Variants in ACTR6 observed in about 807,000 individuals in gnomAD.
ACTR6 encodes actin-related protein 6.
In ACTR6, 50 loss-of-function variants were observed where a neutral mutation model predicts 52.5. The ratio of observed to expected loss-of-function variants is 0.95; its 90% CI spans 0.76 to 1.20. The LOEUF (loss-of-function observed/expected upper bound fraction) is 1.20. ACTR6 is among the 50% of genes most tolerant of loss of function. The pLI is 0.00. For synonymous variants in ACTR6, 135 were observed against 147.2 expected (o/e 0.92, Z 0.60); for missense variants, 344 against 472.4 (o/e 0.73, Z 2.52).
intron 4 of ACTR6, chr12:100,208,789 C>T (rs1486968515): frequency 2.2e-6 from 1 of 455,356 alleles, no homozygotes; most frequent in South Asian, 1.5e-5. Context: ...CTCTGTTGCC[C>T]AGGCTAGAGT....
intron 9 of ACTR6, among the ~76,000 whole-genome samples, chr12:100,219,438 A>G (rs2096126390): frequency 1.3e-5 from 2 of 152,174 alleles, no homozygotes; most frequent in South Asian, 2.1e-4. Flanking sequence ...AACATTTGCT[A>G]TCATGTAACT....
At chr12:100,216,426 A>T (rs995830172) in intron 8 of ACTR6, among the ~76,000 whole-genome samples, 1 of 152,244 alleles carries the variant, frequency 6.6e-6, no homozygotes, top group African/African-American at 2.4e-5. Context: ...TTGGCCTCCA[A>T]AGTGCTGGGT....
rs562885777 is a variant in ACTR6 at position 100,202,825 on chromosome 12, C to T, written c.68+1906C>T. On this transcript the variant is annotated intron_variant, in intron 1 of 10. Coordinates refer to ENST00000188312, the MANE Select transcript of ACTR6 (RefSeq NM_022496.5). ...TGAGCCGAGATCACGCCACTGCACT[C>T]CAGCCTGGGGCGACAAAGCGAGACT... Among the ~76,000 whole-genome samples, 7 of 151,222 alleles carry T rather than the reference C, an allele frequency of 4.6e-5. No homozygotes were observed. In the South Asian group the frequency reaches 6.3e-4, roughly 14 times the overall value.
chr12:100,207,984 AC>A (rs1197420723), intron 4 of ACTR6, 198 bp downstream of exon 4: 3 of 448,942 alleles, frequency 6.7e-6, no homozygotes, highest in African/African-American at 6.1e-5. Flanking sequence ...GCATGGTGAA[AC>A]CCTGTCTCTA....
chr12:100,201,018 C>T, intron 1 of ACTR6, 99 bp downstream of exon 1: 1 of 1,593,736 alleles, frequency 6.3e-7, no homozygotes, highest in Non-Finnish European at 8.5e-7. Context: ...GACACCCCCG[C>T]GCGGCCCTGA....
intron 4 of ACTR6, chr12:100,208,694 A>C (rs2096117190): frequency 2.2e-6 from 1 of 455,810 alleles, no homozygotes; most frequent in African/African-American, 2.0e-5. Context: ...TTTCTGAAAG[A>C]TTCTGAGGTA....
At chr12:100,213,860 T>C (rs1359716877) in intron 8 of ACTR6, among the ~76,000 whole-genome samples, 1 of 152,170 alleles carries the variant, frequency 6.6e-6, no homozygotes, top group Non-Finnish European at 1.5e-5. Flanking sequence ...TGTTGGGAAG[T>C]TAAAAATCTT....
In ACTR6 at chr12:100,224,005, TAAG is replaced by T; in HGVS notation, c.*93_*95del. 1 of 1,405,566 alleles carries T rather than the reference TAAG, an allele frequency of 7.1e-7. No homozygotes were observed. Among genetic ancestry groups the T allele is most frequent in the Non-Finnish European group, 9.5e-7 (1 of 1,053,062 alleles). The allele number at this position is 1,405,566 out of a possible 1,614,324, so 87.1% of individuals were successfully genotyped here. On this transcript the variant is annotated 3_prime_UTR_variant, in exon 11 of 11. Transcript: ENST00000188312. ...TAAGGAACTGTGTTACCTTTTGTCC[TAAG>T]AAAAAGGCTTGAATTTATGTAAATA...
chr12:100,201,045 C>G (rs2096109259), intron 1 of ACTR6, 126 bp downstream of exon 1: 1 of 1,553,492 alleles, frequency 6.4e-7, no homozygotes, highest in Non-Finnish European at 8.7e-7. Context: ...CAGAGGGATT[C>G]CCTGGTTGGA....
intron 8 of ACTR6, among the ~76,000 whole-genome samples, chr12:100,216,705 G>T (rs759401859): frequency 2.4e-4 from 37 of 152,320 alleles, no homozygotes; most frequent in South Asian, 8.3e-4. Context: ...ACTCAAGTCA[G>T]TGAATGGCTG....
rs1376472657 is a variant in ACTR6, at chr12:100,218,785, C to T, written c.922+199C>T. On this transcript the variant is annotated intron_variant, in intron 9 of 10. Coordinates refer to ENST00000188312, the MANE Select transcript of ACTR6 (RefSeq NM_022496.5). This position sits in a 1 kb window ranked among gnomAD's most constrained non-coding sequence, Gnocchi z 4.2. Reference sequence around the variant, plus strand: ...AAGTTTTTTTTTGTGATTATAAATTCGATAGAGGAAAAATCATTATGGTCC... The same window carrying T: ...AAGTTTTTTTTTGTGATTATAAATTTGATAGAGGAAAAATCATTATGGTCC... Among the ~76,000 whole-genome samples, 4 of 150,898 alleles carry T rather than the reference C, an allele frequency of 2.7e-5. No homozygotes were observed. Among genetic ancestry groups the T allele is most frequent in the South Asian group, 2.1e-4 (1 of 4,810 alleles).
At chr12:100,208,025 G>T in intron 4 of ACTR6, 1 of 347,104 alleles carries the variant, frequency 2.9e-6, no homozygotes, top group South Asian at 2.6e-5. Context: ...GTTGGGCATG[G>T]TGACACGCAC....
chr12:100,221,956 T>C (rs886648179), intron 10 of ACTR6, among the ~76,000 whole-genome samples: 3 of 149,372 alleles, frequency 2.0e-5, no homozygotes, highest in Admixed American at 6.7e-5. Context: ...TTTTTTTCAA[T>C]TTTTTTTTTA....
chr12:100,206,637 CTTGTT>C (rs1259153842), intron 3 of ACTR6, among the ~76,000 whole-genome samples: 1 of 151,158 alleles, frequency 6.6e-6, no homozygotes, highest in Non-Finnish European at 1.5e-5. Flanking sequence ...CCCATCTTCT[CTTGTT>C]TTGTCTTTGT....
At chr12:100,207,929 G>A (rs997026152) in intron 4 of ACTR6, 143 bp downstream of exon 4, 3 of 804,148 alleles carry the variant, frequency 3.7e-6, no homozygotes, top group Admixed American at 4.2e-5. Flanking sequence ...GGGAGGCTGA[G>A]GCGAGTAGAT....
chr12:100,205,107 A>G (rs2096113395), intron 2 of ACTR6, 50 bp downstream of exon 2: 1 of 1,207,810 alleles, frequency 8.3e-7, no homozygotes, highest in Non-Finnish European at 1.2e-6. Context: ...CCTAAATTTA[A>G]AGATAATTTT....
chr12:100,207,599 A>C, intron 3 of ACTR6, 64 bp from the exon 4 acceptor site: 2 of 1,315,332 alleles, frequency 1.5e-6, no homozygotes, highest in East Asian at 5.0e-5. Context: ...TTGTTTGTAC[A>C]TGTAAAACAA....
intron 8 of ACTR6, among the ~76,000 whole-genome samples, chr12:100,214,496 T>C (rs1254834912): frequency 6.6e-6 from 1 of 151,568 alleles, no homozygotes; most frequent in Non-Finnish European, 1.5e-5. Flanking sequence ...TCCCAGCATT[T>C]TGGGAGGCTG....
chr12:100,219,500 T>C (rs992217158), intron 9 of ACTR6, among the ~76,000 whole-genome samples: 2 of 152,160 alleles, frequency 1.3e-5, no homozygotes, highest in African/African-American at 4.8e-5. Context: ...TTATGAGTGT[T>C]TTTAACTATC....
Sources: allele counts gnomAD v4.1 joint callset (sites outside exome capture counted in the v4.1 genomes callset), GRCh38; gene constraint gnomAD v4.1.1; non-coding constraint Gnocchi (gnomAD v3.1); transcripts MANE v1.5; gene names NCBI Gene and HGNC (gene_info 2026-07-23, HGNC 2026-07-21).